Variants in BSCL2 observed in about 807,000 individuals in gnomAD.
BSCL2 encodes the protein BSCL2 lipid droplet biogenesis associated, seipin.
A neutral mutation model predicts 57.4 loss-of-function variants in BSCL2; 41 were observed. The ratio of observed to expected loss-of-function variants is 0.71; its 90% confidence interval spans 0.56 to 0.93. BSCL2 has a LOEUF of 0.93. Among genes scored for constraint, BSCL2 ranks in the 40% least tolerant of loss-of-function variants. The pLI is 0.00. For missense variants in BSCL2, 539 were observed against 586.7 expected (o/e 0.92, Z 0.84); for synonymous variants, 237 against 227.3 (o/e 1.04, Z -0.38).
intron 3 of BSCL2, among the ~76,000 whole-genome samples, chr11:62,699,176 T>G (rs1160418939): frequency 6.6e-6 from 1 of 151,688 alleles, no homozygotes; most frequent in African/African-American, 2.4e-5. Context: ...GTATTGGGAT[T>G]ACAGGCGTGA....
chr11:62,690,868 C>T lies in BSCL2; in HGVS notation c.1073-1G>A. The T allele has an allele frequency of 6.2e-7, 1 of 1,613,404 alleles. No individual in the cohort carries two copies. Among genetic ancestry groups the T allele is most frequent in the South Asian group, 1.1e-5 (1 of 90,994 alleles). The stretch of plus-strand genomic sequence containing the variant: ...GTTGACTCCTCCTGGCCTTCAGGCC[C>T]TGCACCTCCAAAGAGGGAGAGGACA... On this transcript the variant is annotated splice_acceptor_variant, in intron 8 of 10. Coordinates refer to ENST00000360796, the MANE Select transcript of BSCL2 (RefSeq NM_001122955.4). LOFTEE classifies it high-confidence loss of function.
upstream of BSCL2, chr11:62,709,231 G>A (rs1369631278): frequency 4.4e-6 from 2 of 455,290 alleles, no homozygotes; most frequent in East Asian, 1.4e-4. Flanking sequence ...ATTCTTGGGG[G>A]GAGAGGATCA....
chr11:62,708,524 TAG>T (rs962972901), upstream of BSCL2: 2 of 1,248,066 alleles, frequency 1.6e-6, no homozygotes, highest in African/African-American at 3.0e-5. Context: ...TGGGGCTCTG[TAG>T]AGAGAGCTGT....
At chr11:62,695,527 G>A (rs1312791744) in intron 3 of BSCL2, among the ~76,000 whole-genome samples, 3 of 15,088 alleles carry the variant, frequency 2.0e-4, no homozygotes, top group African/African-American at 3.3e-4. Context: ...TGGCCAACAT[G>A]GTGAAACCCC....
upstream of BSCL2, chr11:62,708,807 G>GC: frequency 6.2e-7 from 1 of 1,612,142 alleles, no homozygotes; most frequent in Non-Finnish European, 8.5e-7. Flanking sequence ...TCTCCTCTGA[G>GC]CTCCCCTGTC....
upstream of BSCL2, chr11:62,707,833 T>G (rs2083567581): frequency 3.9e-6 from 1 of 253,262 alleles, no homozygotes; most frequent in Admixed American, 5.0e-5. Context: ...CCCTACTGGG[T>G]GGGGCACCCA....
intron 6 of BSCL2, among the ~76,000 whole-genome samples, chr11:62,691,918 C>T (rs971683319): frequency 6.6e-6 from 1 of 151,866 alleles, no homozygotes; most frequent in African/African-American, 2.4e-5. Flanking sequence ...CAGGTGTGGT[C>T]GCAGGCGCCT....
intron 2 of BSCL2, among the ~76,000 whole-genome samples, chr11:62,703,880 G>A (rs1425499806): frequency 4.0e-5 from 6 of 151,406 alleles, no homozygotes; most frequent in African/African-American, 1.5e-4. Flanking sequence ...AGCACTTTGG[G>A]AGGCCAAGGG....
chr11:62,695,791 G>C (rs1945443109), intron 3 of BSCL2, among the ~76,000 whole-genome samples: 1 of 151,244 alleles, frequency 6.6e-6, no homozygotes, highest in Non-Finnish European at 1.5e-5. Flanking sequence ...CATGGGTTCA[G>C]CCTTGGGGGT....
At position 62,691,861 on chromosome 11, in the gene BSCL2, T is replaced by C. The variant is rs142080574; in HGVS notation, c.864-440A>G. On this transcript the variant is annotated intron_variant, in intron 6 of 10. Transcript: ENST00000360796. ...GTCAGGAGATTGAGACCATCCTGGC[T>C]AACACGGTGAAACCCCATCTCTACC... Among the ~76,000 whole-genome samples, 1,205 of 152,136 alleles carry C rather than the reference T, an allele frequency of 7.9e-3. 15 individuals are homozygous for C. Among genetic ancestry groups the C allele is most frequent in the African/African-American group, 0.028 (1,163 of 41,494 alleles).
chr11:62,701,344 G>A (rs932970753), intron 3 of BSCL2, among the ~76,000 whole-genome samples: 1 of 152,124 alleles, frequency 6.6e-6, no homozygotes, highest in African/African-American at 2.4e-5. Flanking sequence ...ACCCATCTAA[G>A]TTGAAACTAT....
chr11:62,690,916 C>T, intron 8 of BSCL2, 49 bp from the exon 9 acceptor site: 1 of 1,603,912 alleles, frequency 6.2e-7, no homozygotes, highest in Non-Finnish European at 8.5e-7. Flanking sequence ...GGTGGCTGTG[C>T]CTGGACGGCA....
chr11:62,702,143 C>G (rs138282262), intron 3 of BSCL2, among the ~76,000 whole-genome samples: 3 of 151,812 alleles, frequency 2.0e-5, no homozygotes, highest in Non-Finnish European at 4.4e-5. Context: ...CTCGGCTCAC[C>G]GAAACCTCCT....
chr11:62,691,192 A>G (rs772333066), intron 7 of BSCL2, 51 bp from the exon 8 acceptor site: 10 of 1,613,740 alleles, frequency 6.2e-6, no homozygotes, highest in African/African-American at 4.0e-5. Flanking sequence ...CTCACTAACA[A>G]TCAGGACCCT....
intron 3 of BSCL2, 142 bp downstream of exon 3, chr11:62,702,326 A>G (rs991438039): frequency 8.9e-5 from 64 of 718,588 alleles, no homozygotes; most frequent in Non-Finnish European, 1.3e-4. Context: ...TCAGCCTCCC[A>G]AAGTACTGGG....
Position 62,690,492 on chromosome 11 carries a change from G to C in BSCL2, c.1264C>G (p.Leu422Val), listed in dbSNP as rs772442281. The change falls in exon 11 of 11, where the codon CTG becomes GTG. Residue 422 changes from leucine to valine, a missense_variant. Coordinates refer to ENST00000360796, the MANE Select transcript of BSCL2 (RefSeq NM_001122955.4). ...GGAGCAGGCAGGTTGGCCTCCGTCA[G>C]CAAAGCTGCATCTTCCCAGGAGCCT... Reference protein sequence around the residue: ...GSGSWEDAALLTEANLPAPAP... With the variant: ...GSGSWEDAALVTEANLPAPAP... 1 of 1,614,052 alleles carries C rather than the reference G, an allele frequency of 6.2e-7. No individual in the cohort carries two copies. Among genetic ancestry groups the C allele is most frequent in the African/African-American group, 1.3e-5 (1 of 74,932 alleles).
chr11:62,696,120 G>A (rs1174101413), intron 3 of BSCL2, among the ~76,000 whole-genome samples: 1 of 152,182 alleles, frequency 6.6e-6, no homozygotes, highest in Non-Finnish European at 1.5e-5. Flanking sequence ...GCAGTGAGCT[G>A]AGATCGTGCC....
intron 1 of BSCL2, 74 bp downstream of exon 1, chr11:62,707,035 T>C (rs1590887258): frequency 2.3e-6 from 3 of 1,295,438 alleles, no homozygotes; most frequent in African/African-American, 1.5e-5. Flanking sequence ...AACCAATCCA[T>C]CCCCCCGCCC....
At chr11:62,708,501 C>A, upstream of BSCL2, 2 of 1,209,452 alleles carry the variant, frequency 1.7e-6, no homozygotes, top group Non-Finnish European at 2.4e-6. Context: ...TCCCTGAGGT[C>A]AGGGGAGGAG....
Sources: gnomAD v4.1 joint callset for allele counts (sites outside exome capture counted in the v4.1 genomes callset) on GRCh38, gnomAD v4.1.1 for gene constraint, MANE v1.5 for transcripts, NCBI Gene and HGNC (gene_info 2026-07-23, HGNC 2026-07-21) for gene names.